The following RERE variants were observed in gnomAD, a reference collection of about 807,000 sequenced individuals.
The protein encoded by RERE is arginine-glutamic acid dipeptide repeats, also known as arginine-glutamic acid dipeptide repeats protein.
In RERE, 40 loss-of-function variants were observed where a neutral mutation model predicts 146.1. The observed-to-expected ratio is 0.27, with a 90% CI of 0.21 to 0.36. RERE has a LOEUF of 0.36. Ranked by LOEUF, RERE falls within the 10% of genes least tolerant of loss-of-function variation. RERE has a pLI of 1.00. For synonymous variants in RERE, 1,003 were observed against 866.0 expected, an observed-to-expected ratio of 1.16 and a Z score of -2.78; for missense variants, 1,933 against 2,138.7, an observed-to-expected ratio of 0.90 and a Z score of 1.90.
chr1:8,646,810 C>A (rs773947616), intron 2 of RERE, among the ~76,000 whole-genome samples: 1 of 152,158 alleles, frequency 6.6e-6, no homozygotes. Flanking sequence ...GAAACAGATC[C>A]TTCCCTGGTG....
chr1:8,798,537 C>T (rs1002279671), intron 1 of RERE: 1 of 215,276 alleles, frequency 4.6e-6, no homozygotes, highest in Admixed American at 4.2e-5. Context: ...AGATGCTACT[C>T]AGGAAGCAAA....
intron 1 of RERE, among the ~76,000 whole-genome samples, chr1:8,699,675 ATGTTT>A (rs1330102936): frequency 2.6e-5 from 4 of 152,210 alleles, no homozygotes; most frequent in African/African-American, 9.7e-5. Flanking sequence ...GCCAATCTGA[ATGTTT>A]TAACTTCTTT....
chr1:8,675,376 G>C (rs1351481845), intron 1 of RERE, among the ~76,000 whole-genome samples: 5 of 151,418 alleles, frequency 3.3e-5, no homozygotes, highest in African/African-American at 1.2e-4. Flanking sequence ...GTGCAGAAAA[G>C]GCCCAGAATG....
At chr1:8,770,244 T>G (rs557355979) in intron 1 of RERE, among the ~76,000 whole-genome samples, 38 of 152,284 alleles carry the variant, frequency 2.5e-4, no homozygotes, top group African/African-American at 8.9e-4. Flanking sequence ...TTTCAGAATA[T>G]TATTGAAATA....
intron 1 of RERE, among the ~76,000 whole-genome samples, chr1:8,788,386 C>T (rs1244582073): frequency 4.0e-5 from 5 of 125,886 alleles, no homozygotes; most frequent in African/African-American, 9.1e-5. Flanking sequence ...TTTTTTGAGA[C>T]GGAGTCTTCC....
rs763835328 is a variant in RERE at position 8,512,014 on chromosome 1, CTTTTTTTTTTTTTTTTTTT to C, written c.831-3358_831-3340del. 5.1e-5 allele frequency: 2 copies of C among 38,902 alleles called. 1 individual carries two copies. The highest frequency in any genetic ancestry group is 1.9e-4 in the African/African-American group (2 of 10,518). The allele number at this position is 38,902 out of a possible 1,614,324, so 2.4% of individuals were successfully genotyped here. ...GTATCAACAGCTTGTAGGAAACACT[CTTTTTTTTTTTTTTTTTTT>C]TTTTTTTTTTTGAGACGGAGTCTCG... On this transcript the variant is annotated intron_variant, in intron 7 of 22. Transcript: ENST00000400908.
At chr1:8,571,895 AAAAG>A (rs142287538) in intron 4 of RERE, among the ~76,000 whole-genome samples, 26,481 of 152,054 alleles carry the variant, frequency 0.17, 2,474 homozygotes, top group Middle Eastern at 0.28. Context: ...GCTGCTTTAA[AAAAG>A]AAAGAAAGAA....
intron 1 of RERE, among the ~76,000 whole-genome samples, chr1:8,717,180 C>T (rs981343590): frequency 6.6e-6 from 1 of 152,124 alleles, no homozygotes; most frequent in African/African-American, 2.4e-5. Context: ...TAGCATTTTA[C>T]CCATTTGTTT....
chr1:8,610,017 C>T (rs1646772971), intron 4 of RERE, among the ~76,000 whole-genome samples: 2 of 152,076 alleles, frequency 1.3e-5, no homozygotes, highest in African/African-American at 4.8e-5. Context: ...GACCGAACCG[C>T]CCCAGCCTCC....
rs1641158161 is a variant in RERE, at chr1:8,353,081, GC to G, written c.*2005del. 6.6e-6 allele frequency: 1 copy of G among 152,606 alleles called. No homozygotes were observed. The highest frequency in any genetic ancestry group is 1.9e-4 in the East Asian group (1 of 5,186). 9.5% of individuals were successfully genotyped at this position (152,606 alleles called of 1,614,324 possible). A position where few individuals can be genotyped will look rare whatever the true frequency, so the allele number is the denominator to read the frequency against. ...CGCTCAGAGCCACGGGAACAAGCCT[GC>G]CATGAGGGCCTGTCCCCACCCCAGA... On this transcript the variant is annotated 3_prime_UTR_variant, in exon 23 of 23. Transcript: ENST00000400908.
chr1:8,456,564 G>A (rs964145796), intron 11 of RERE, among the ~76,000 whole-genome samples: 2 of 152,158 alleles, frequency 1.3e-5, no homozygotes, highest in African/African-American at 4.8e-5. Flanking sequence ...TACAATGTTA[G>A]GAGAAAACAG....
intron 10 of RERE, among the ~76,000 whole-genome samples, chr1:8,489,383 T>G (rs1255611174): frequency 6.6e-6 from 1 of 151,582 alleles, no homozygotes; most frequent in Non-Finnish European, 1.5e-5. Flanking sequence ...AAAAAAAAAT[T>G]TTTTTAAAAG....
At chr1:8,755,892 C>T (rs976048743) in intron 1 of RERE, among the ~76,000 whole-genome samples, 1 of 152,046 alleles carries the variant, frequency 6.6e-6, no homozygotes, top group African/African-American at 2.4e-5. Flanking sequence ...TAGTGAGACT[C>T]CGTCTCCACA....
intron 2 of RERE, among the ~76,000 whole-genome samples, chr1:8,649,514 G>C (rs1157875457): frequency 6.6e-6 from 1 of 152,104 alleles, no homozygotes; most frequent in Non-Finnish European, 1.5e-5. Context: ...CAGATCACTT[G>C]AGGTCAGGAG....
rs1268934592 is a variant in RERE at position 8,364,518 on chromosome 1, C to A, written c.1540+228G>T. 6.6e-6 allele frequency among the ~76,000 whole-genome samples: 1 copy of A among 152,116 alleles called. No homozygotes were observed. The highest frequency in any genetic ancestry group is 1.5e-5 in the Non-Finnish European group (1 of 68,020). ...TCCTGGGAACTACAGTGTCAACCCC[C>A]CAATCCCACTCAATCTGTCCTGCCT... On this transcript the variant is annotated intron_variant, in intron 14 of 22. Transcript: ENST00000400908. This position sits in a 1 kb window ranked among gnomAD's most constrained non-coding sequence, Gnocchi z 5.1.
chr1:8,393,041 A>G (rs527390120), intron 12 of RERE, among the ~76,000 whole-genome samples: 11 of 152,310 alleles, frequency 7.2e-5, no homozygotes, highest in African/African-American at 2.4e-4. Context: ...AAAGTAGGAG[A>G]AGGAGAATGT....
At chr1:8,453,501 C>A (rs574707570) in intron 11 of RERE, among the ~76,000 whole-genome samples, 1 of 152,240 alleles carries the variant, frequency 6.6e-6, no homozygotes, top group East Asian at 1.9e-4. Context: ...TTTCCCAAAC[C>A]TTTGCTTATC....
At chr1:8,737,581 G>A (rs1640226013) in intron 1 of RERE, among the ~76,000 whole-genome samples, 1 of 144,024 alleles carries the variant, frequency 6.9e-6, no homozygotes, top group Non-Finnish European at 1.6e-5. Context: ...TCAGGAAGCA[G>A]AATTTTTTTT....
In RERE at chr1:8,614,649, G is replaced by A. The variant is rs771171032; in HGVS notation, c.434C>T (p.Pro145Leu). The change falls in exon 4 of 23, where the codon CCT (proline) becomes CTT (leucine). Residue 145 changes from proline to leucine, a missense_variant. Around this residue, in one of 11 missense-constraint regions of RERE, gnomAD observed 74 missense variants for 99.6 expected, o/e 0.74. Coordinates refer to ENST00000400908, the MANE Select transcript of RERE (RefSeq NM_001042681.2). ...GCATGCTGGGGGGTCACACAAAGCAGGAGTTGGAGATCTGCAACAGGCCTG... is the reference window on the plus strand; with the variant it reads ...GCATGCTGGGGGGTCACACAAAGCAAGAGTTGGAGATCTGCAACAGGCCTG... ...NSQACCRSPT[P>L]ALCDPPACSL... 1 of 1,612,826 alleles carries A rather than the reference G, an allele frequency of 6.2e-7. No homozygotes were observed. Among genetic ancestry groups the A allele is most frequent in the Admixed American group, 1.7e-5 (1 of 59,836 alleles).
Sources: gnomAD v4.1 joint callset for allele counts (sites outside exome capture counted in the v4.1 genomes callset) on GRCh38, gnomAD v4.1.1 for gene constraint, gnomAD v4.1.1 regional missense constraint, Gnocchi (gnomAD v3.1) non-coding constraint, MANE v1.5 for transcripts, NCBI Gene and HGNC (gene_info 2026-07-23, HGNC 2026-07-21) for gene names.